The following ABI1 variants were observed in gnomAD, a reference collection of about 807,000 sequenced individuals.
ABI1 encodes abl interactor 1.
ABI1 carries 14 observed loss-of-function variants against 54.6 expected under a neutral mutation model. The ratio of observed to expected loss-of-function variants is 0.26; its 90% confidence interval spans 0.17 to 0.40. The LOEUF is 0.40. Among genes scored for constraint, ABI1 ranks in the 10% least tolerant of loss-of-function variants. The pLI is 1.00. For synonymous variants in ABI1, 194 were observed against 209.3 expected (o/e 0.93, Z 0.63); for missense variants, 443 against 598.3 (o/e 0.74, Z 2.71).
At chr10:26,818,648 A>AAAAAAAAAAAAAC (rs2047752725) in intron 2 of ABI1, among the ~76,000 whole-genome samples, 1 of 151,486 alleles carries the variant, frequency 6.6e-6, no homozygotes, top group African/African-American at 2.4e-5. Flanking sequence ...AAAAAAAAAA[A>AAAAAAAAAAAAAC]AGAGCAAAGC....
intron 2 of ABI1, among the ~76,000 whole-genome samples, chr10:26,783,599 G>C (rs1254111985): frequency 6.6e-6 from 1 of 152,166 alleles, no homozygotes; most frequent in East Asian, 1.9e-4. Flanking sequence ...GGCCACTTGG[G>C]ATTCCACCCT....
At chr10:26,834,832 G>A (rs558449837) in intron 1 of ABI1, among the ~76,000 whole-genome samples, 8 of 152,072 alleles carry the variant, frequency 5.3e-5, no homozygotes, top group Non-Finnish European at 1.0e-4. Context: ...GCCGGGCACA[G>A]TAGCTCATGC....
chr10:26,848,640 G>A (rs1158824499), intron 1 of ABI1, among the ~76,000 whole-genome samples: 4 of 127,556 alleles, frequency 3.1e-5, no homozygotes, highest in African/African-American at 9.4e-5. Flanking sequence ...ACAGAGTCTC[G>A]CTCTATCACC....
At chr10:26,783,164 GAACC>G (rs1842338895) in intron 2 of ABI1, among the ~76,000 whole-genome samples, 1 of 152,154 alleles carries the variant, frequency 6.6e-6, no homozygotes, top group African/African-American at 2.4e-5. Context: ...CAATATGGAT[GAACC>G]TTGAGGACAT....
intron 2 of ABI1, among the ~76,000 whole-genome samples, chr10:26,790,969 T>C (rs1843349643): frequency 6.8e-6 from 1 of 147,722 alleles, no homozygotes; most frequent in Admixed American, 6.8e-5. Context: ...TACTCAGGAG[T>C]CTGAGGTGGG....
At position 26,752,112 on chromosome 10, in the gene ABI1, T is replaced by C. The variant is rs536868753; in HGVS notation, c.1085-329A>G. Among the ~76,000 whole-genome samples the C allele has an allele frequency of 4.0e-3, 616 of 152,306 alleles. 3 individuals carry two copies. Among genetic ancestry groups the C allele is most frequent in the Non-Finnish European group, 7.0e-3 (474 of 68,026 alleles). On this transcript the variant is annotated intron_variant, in intron 9 of 10. Coordinates refer to ENST00000376140, the MANE Select transcript of ABI1 (RefSeq NM_001012750.3). ...CGGGACAAATGTTAACAATCTAAAA[T>C]AAATCTATGTCACTTTTGTCATTTG...
At chr10:26,759,379 G>T in intron 7 of ABI1, 141 bp from the exon 8 acceptor site, 9 of 570,802 alleles carry the variant, frequency 1.6e-5, no homozygotes, top group Admixed American at 4.0e-5. Context: ...AAAGAGAAAA[G>T]TAAAGATAAA....
intron 2 of ABI1, among the ~76,000 whole-genome samples, chr10:26,796,076 G>A (rs1006893447): frequency 2.0e-5 from 3 of 152,050 alleles, no homozygotes; most frequent in African/African-American, 7.2e-5. Context: ...GTGACGGAGT[G>A]AGACCCAGTC....
chr10:26,812,218 C>T (rs918901594), intron 2 of ABI1, among the ~76,000 whole-genome samples: 4 of 152,162 alleles, frequency 2.6e-5, no homozygotes, highest in African/African-American at 9.7e-5. Context: ...CAGAAGGTAA[C>T]ATCCACATTC....
chr10:26,759,912 T>C (rs778949948), intron 7 of ABI1, among the ~76,000 whole-genome samples: 2 of 149,454 alleles, frequency 1.3e-5, no homozygotes, highest in Non-Finnish European at 3.0e-5. Flanking sequence ...TCTCCAAAGT[T>C]TTAAGATTAA....
intron 2 of ABI1, among the ~76,000 whole-genome samples, chr10:26,810,318 G>GT (rs2047148497): frequency 6.6e-6 from 1 of 151,998 alleles, no homozygotes; most frequent in African/African-American, 2.4e-5. Context: ...TGTACAACTT[G>GT]TATCATCATG....
chr10:26,857,428 A>C (rs10829125), intron 1 of ABI1, among the ~76,000 whole-genome samples: 38,437 of 150,274 alleles, frequency 0.26, 5,557 homozygotes, highest in South Asian at 0.44. Context: ...ACTGCTTGAG[A>C]CCAGGAGTTT....
At chr10:26,855,258 C>T (rs1325373228) in intron 1 of ABI1, among the ~76,000 whole-genome samples, 2 of 152,208 alleles carry the variant, frequency 1.3e-5, no homozygotes, top group Non-Finnish European at 2.9e-5. Flanking sequence ...TTCTTATATT[C>T]ACAACCTGGA....
At chr10:26,820,188 C>T (rs978505399) in intron 2 of ABI1, among the ~76,000 whole-genome samples, 14 of 152,210 alleles carry the variant, frequency 9.2e-5, no homozygotes, top group African/African-American at 2.4e-4. Context: ...TAAATGCTCT[C>T]GCCACACACA....
chr10:26,816,578 C>T (rs1405161857), intron 2 of ABI1, among the ~76,000 whole-genome samples: 1 of 152,162 alleles, frequency 6.6e-6, no homozygotes, highest in East Asian at 1.9e-4. Context: ...ATGTGTGCTT[C>T]ATAACAACTT....
chr10:26,814,726 G>C (rs2047449776), intron 2 of ABI1, among the ~76,000 whole-genome samples: 1 of 151,880 alleles, frequency 6.6e-6, no homozygotes, highest in Non-Finnish European at 1.5e-5. Context: ...CTTAATCTAA[G>C]ACAGGAAAAA....
At chr10:26,769,896 A>G (rs1415945870) in intron 5 of ABI1, among the ~76,000 whole-genome samples, 1 of 152,242 alleles carries the variant, frequency 6.6e-6, no homozygotes, top group Admixed American at 6.5e-5. Flanking sequence ...AAGTTCTACA[A>G]TATAGATACT....
chr10:26,802,840 CT>C (rs2046647075), intron 2 of ABI1, among the ~76,000 whole-genome samples: 1 of 152,144 alleles, frequency 6.6e-6, no homozygotes, highest in Non-Finnish European at 1.5e-5. Flanking sequence ...GCCTTTCTCA[CT>C]GCTTCCAATC....
chr10:26,747,497 A>G lies in ABI1; in HGVS notation c.*1073T>C, dbSNP rs946530224. 4 of 208,486 alleles carry G rather than the reference A, an allele frequency of 1.9e-5. No individual in the cohort carries two copies. The highest frequency in any genetic ancestry group is 6.8e-5 in the African/African-American group (3 of 43,942). The allele number at this position is 208,486 out of a possible 1,614,324, so 12.9% of individuals were successfully genotyped here. A position where few individuals can be genotyped will look rare whatever the true frequency, so the allele number is the denominator to read the frequency against. ...TTAAAGAGTGCCTACTCACAAATCA[A>G]CTGTATCCACTTTTACAATATGTAA... On this transcript the variant is annotated 3_prime_UTR_variant, in exon 11 of 11. Transcript: ENST00000376140.
Sources: gnomAD v4.1 joint callset for allele counts (sites outside exome capture counted in the v4.1 genomes callset) on GRCh38, gnomAD v4.1.1 for gene constraint, MANE v1.5 for transcripts, NCBI Gene and HGNC (gene_info 2026-07-23, HGNC 2026-07-21) for gene names.